Variants in TPD52 observed in about 807,000 individuals in gnomAD.
The protein encoded by TPD52 is prostate and colon associated protein.
A neutral mutation model predicts 31.3 loss-of-function variants in TPD52; 17 were observed. The ratio of observed to expected loss-of-function variants is 0.54; its 90% confidence interval spans 0.37 to 0.82. The LOEUF (loss-of-function observed/expected upper bound fraction) is 0.82, where lower values mean the gene tolerates loss of function less well. Among genes scored for constraint, TPD52 ranks in the 40% least tolerant of loss-of-function variants. TPD52 has a pLI of 0.00. For missense variants in TPD52, 212 were observed against 240.1 expected (o/e 0.88, Z 0.77); for synonymous variants, 83 against 89.6 (o/e 0.93, Z 0.42).
At chr8:80,049,123 A>G (rs1009224873) in intron 5 of TPD52, among the ~76,000 whole-genome samples, 5 of 152,196 alleles carry the variant, frequency 3.3e-5, no homozygotes, top group Non-Finnish European at 7.3e-5. Context: ...CCTTACTTTT[A>G]TATCTTACAC....
At chr8:80,040,629 T>C (rs1191444979) in intron 7 of TPD52, among the ~76,000 whole-genome samples, 1 of 152,236 alleles carries the variant, frequency 6.6e-6, no homozygotes, top group Non-Finnish European at 1.5e-5. Context: ...TTTCTCCTCA[T>C]GTCCAATGTC....
intron 1 of TPD52, among the ~76,000 whole-genome samples, chr8:80,166,770 G>A (rs947978374): frequency 8.6e-5 from 13 of 151,756 alleles, no homozygotes; most frequent in East Asian, 2.0e-4. Context: ...GCTGGGTGTC[G>A]TGGCATGCGC....
intron 1 of TPD52, among the ~76,000 whole-genome samples, chr8:80,118,118 G>A (rs1808003940): frequency 6.6e-6 from 1 of 152,128 alleles, no homozygotes. Flanking sequence ...AGACATATAG[G>A]TCAATGGAAT....
chr8:80,123,525 A>G (rs558039636), intron 1 of TPD52, among the ~76,000 whole-genome samples: 1 of 152,348 alleles, frequency 6.6e-6, no homozygotes, highest in South Asian at 2.1e-4. Context: ...CAGGAGTCGG[A>G]GACAAGCCTG....
At chr8:80,072,685 G>GTACACATAGA (rs1814017809) in intron 1 of TPD52, among the ~76,000 whole-genome samples, 2 of 59,218 alleles carry the variant, frequency 3.4e-5, no homozygotes, top group Non-Finnish European at 8.4e-5. Context: ...ACATAGATAT[G>GTACACATAGA]TGTGTATATA....
chr8:80,158,992 G>A (rs960576119), intron 1 of TPD52: 8 of 135,648 alleles, frequency 5.9e-5, no homozygotes, highest in Non-Finnish European at 1.3e-4. Context: ...AACTTCAATA[G>A]AACCGCATCG....
rs182631141 is a variant in TPD52, at chr8:80,124,865, A to G, written c.19+46560T>C. ...TAGAGTATTTTAGGTTCTCAGCAAA[A>G]TTGAGCAGAAAGTACAGAGAGTTCC... On this transcript the variant is annotated intron_variant, in intron 1 of 7. Coordinates refer to ENST00000518937, the MANE Select transcript of TPD52 (RefSeq NM_001025253.3). Among the ~76,000 whole-genome samples, 302 of 152,284 alleles carry G rather than the reference A, an allele frequency of 2.0e-3. 2 individuals carry two copies. The highest frequency in any genetic ancestry group is 3.0e-3 in the Non-Finnish European group (204 of 68,018).
intron 1 of TPD52, among the ~76,000 whole-genome samples, chr8:80,104,982 C>T (rs973914101): frequency 3.3e-5 from 5 of 151,886 alleles, no homozygotes; most frequent in Admixed American, 2.6e-4. Flanking sequence ...ATCACTTGAA[C>T]CTGGGAGGCT....
At chr8:80,042,216 T>C in intron 7 of TPD52, 1 of 985,488 alleles carries the variant, frequency 1.0e-6, no homozygotes, top group Non-Finnish European at 1.2e-6. Context: ...TAATAGCACA[T>C]ACATCTATCA....
At chr8:80,142,531 A>C (rs1468234175) in intron 1 of TPD52, among the ~76,000 whole-genome samples, 1 of 152,172 alleles carries the variant, frequency 6.6e-6, no homozygotes, top group Non-Finnish European at 1.5e-5. Context: ...CAAGAGTTCG[A>C]GACCAGCCTG....
intron 7 of TPD52, chr8:80,042,033 G>A: frequency 3.3e-6 from 1 of 305,288 alleles, no homozygotes; most frequent in Non-Finnish European, 4.8e-6. Context: ...AGGTTGCAGT[G>A]AGCCAAGATC....
At chr8:80,049,680 C>A (rs1303332978) in intron 5 of TPD52, among the ~76,000 whole-genome samples, 1 of 152,204 alleles carries the variant, frequency 6.6e-6, no homozygotes, top group Non-Finnish European at 1.5e-5. Context: ...TTTCCTCCAA[C>A]AACTAATCAG....
intron 1 of TPD52, among the ~76,000 whole-genome samples, chr8:80,113,055 G>A (rs1290561374): frequency 6.6e-6 from 1 of 152,140 alleles, no homozygotes; most frequent in Admixed American, 6.5e-5. Context: ...ACAAGGTCAG[G>A]TGTGGAAGTC....
At chr8:80,084,232 C>T (rs1375054394) in intron 1 of TPD52, among the ~76,000 whole-genome samples, 1 of 152,212 alleles carries the variant, frequency 6.6e-6, no homozygotes, top group Non-Finnish European at 1.5e-5. Flanking sequence ...CCCTGGGGTT[C>T]TCAGTGGGGA....
chr8:80,131,184 C>A (rs1389180372), intron 1 of TPD52, among the ~76,000 whole-genome samples: 1 of 151,910 alleles, frequency 6.6e-6, no homozygotes, highest in East Asian at 1.9e-4. Flanking sequence ...GTGTTGAGAT[C>A]AGGAGAAAAA....
chr8:80,168,158 T>C (rs1195986269), intron 1 of TPD52, among the ~76,000 whole-genome samples: 2 of 152,230 alleles, frequency 1.3e-5, no homozygotes, highest in Middle Eastern at 3.2e-3. Flanking sequence ...ATTCAAGCCC[T>C]AGGTATGAGA....
intron 1 of TPD52, chr8:80,066,883 T>C (rs1813213898): frequency 6.6e-6 from 1 of 152,210 alleles, no homozygotes; most frequent in Non-Finnish European, 1.5e-5. Context: ...GTAAGAACCA[T>C]AACAGAGCTA....
chr8:80,136,913 A>G (rs1324173996), intron 1 of TPD52, among the ~76,000 whole-genome samples: 2 of 152,210 alleles, frequency 1.3e-5, no homozygotes, highest in Non-Finnish European at 2.9e-5. Flanking sequence ...CCAGGCCCCA[A>G]AATTCTTCTC....
intron 1 of TPD52, chr8:80,122,853 T>A (rs997186680): frequency 1.3e-5 from 2 of 152,268 alleles, no homozygotes; most frequent in East Asian, 3.8e-4. Context: ...AGAAGCAGGA[T>A]TCAGGCTGAA....
Sources: gnomAD v4.1 joint callset for allele counts (sites outside exome capture counted in the v4.1 genomes callset) on GRCh38, gnomAD v4.1.1 for gene constraint, MANE v1.5 for transcripts, NCBI Gene and HGNC (gene_info 2026-07-23, HGNC 2026-07-21) for gene names.